Variants in PACSIN1 observed in about 807,000 individuals in gnomAD.
PACSIN1 encodes the protein protein kinase C and casein kinase substrate in neurons protein 1.
Under a neutral mutation model 59.5 loss-of-function variants are expected in PACSIN1, and 15 were observed. The ratio of observed to expected loss-of-function variants is 0.25; its 90% CI spans 0.17 to 0.39. The LOEUF (loss-of-function observed/expected upper bound fraction) is 0.39. PACSIN1 is among the 10% of genes least tolerant of loss of function. PACSIN1 has a pLI of 1.00. For missense variants in PACSIN1, 420 were observed against 580.2 expected (o/e 0.72, Z 2.84); for synonymous variants, 210 against 220.6 (o/e 0.95, Z 0.42).
At chr6:34,470,901 A>T (rs1005737773) in intron 1 of PACSIN1, among the ~76,000 whole-genome samples, 3 of 152,178 alleles carry the variant, frequency 2.0e-5, no homozygotes, top group Non-Finnish European at 4.4e-5. Flanking sequence ...TTTGTCATTT[A>T]TCTGAAATTC....
intron 1 of PACSIN1, among the ~76,000 whole-genome samples, chr6:34,479,168 A>G (rs549320264): frequency 6.6e-6 from 1 of 152,258 alleles, no homozygotes; most frequent in South Asian, 2.1e-4. Flanking sequence ...AGATTTCAAC[A>G]TGTGTTTTGG....
rs960168852 is a variant in PACSIN1, at chr6:34,532,198, C to A, written c.1226-223C>A. ...GGTCTGGTTTTGGGGACGGACCCGA[C>A]ACCCAGATTAGGTGAATGGCTGAGG... On this transcript the variant is annotated intron_variant, in intron 9 of 9. Transcript: ENST00000244458. The surrounding 1 kb of genome is among the most constrained non-coding windows in gnomAD (Gnocchi z 5.2). 1.3e-5 allele frequency among the ~76,000 whole-genome samples: 2 copies of A among 152,020 alleles called. No homozygotes were observed. The highest frequency in any genetic ancestry group is 4.8e-5 in the African/African-American group (2 of 41,366).
Position 34,515,042 on chromosome 6 carries a change from C to T in PACSIN1, c.-63-11201C>T, listed in dbSNP as rs535287595. 8.5e-5 allele frequency: 13 copies of T among 152,454 alleles called. No homozygotes were observed. Among genetic ancestry groups the T allele is most frequent in the Non-Finnish European group, 1.6e-4 (11 of 68,128 alleles). The allele number at this position is 152,454 out of a possible 1,614,324, so 9.4% of individuals were successfully genotyped here. On this transcript the variant is annotated intron_variant, in intron 1 of 9. Transcript: ENST00000244458. This position sits in a 1 kb window ranked among gnomAD's most constrained non-coding sequence, Gnocchi z 4.4. The stretch of plus-strand genomic sequence containing the variant: ...CGGGGGCAGTAAGCTCCTACTTGCC[C>T]CCAGCTTGGTGCCCACACGGGCCCA...
chr6:34,498,787 A>G (rs1766983065), intron 1 of PACSIN1, among the ~76,000 whole-genome samples: 1 of 125,090 alleles, frequency 8.0e-6, no homozygotes, highest in South Asian at 2.7e-4. Flanking sequence ...ACAAAGCAAG[A>G]CTTTGTCTCA....
At position 34,521,290 on chromosome 6, in the gene PACSIN1, G is replaced by A. The variant is rs1177547433; in HGVS notation, c.-63-4953G>A. Among the ~76,000 whole-genome samples the A allele has an allele frequency of 3.3e-5, 5 of 152,178 alleles. No individual in the cohort carries two copies. Among genetic ancestry groups the A allele is most frequent in the Non-Finnish European group, 7.4e-5 (5 of 68,024 alleles). ...TGCTGGTGGCTGGGAGCAGCTGGGTGACTCCCAGGCCTGTGATTGGTGACC... is the reference window on the plus strand; with the variant it reads ...TGCTGGTGGCTGGGAGCAGCTGGGTAACTCCCAGGCCTGTGATTGGTGACC... On this transcript the variant is annotated intron_variant, in intron 1 of 9. Transcript: ENST00000244458. The surrounding 1 kb of genome is among the most constrained non-coding windows in gnomAD (Gnocchi z 4.3).
chr6:34,513,639 C>A (rs1767239749), intron 1 of PACSIN1, among the ~76,000 whole-genome samples: 1 of 151,986 alleles, frequency 6.6e-6, no homozygotes, highest in South Asian at 2.1e-4. Context: ...ACTCCAAGTA[C>A]CGATGCTAGA....
intron 1 of PACSIN1, among the ~76,000 whole-genome samples, chr6:34,503,021 T>C (rs1452902619): frequency 2.6e-5 from 4 of 152,060 alleles, no homozygotes; most frequent in African/African-American, 2.4e-5. Flanking sequence ...TGAAGACCCC[T>C]GGAAGGGGCA....
intron 4 of PACSIN1, 38 bp downstream of exon 4, chr6:34,528,915 G>GGGGGCCGGGGGGGGGGGGGGGGGGC: frequency 4.6e-6 from 3 of 653,172 alleles, no homozygotes; most frequent in Non-Finnish European, 5.4e-6. Context: ...GGTGGGGTGG[G>GGGGGCCGGGGGGGGGGGGGGGGGGC]CCCGTCTGAT....
At position 34,530,253 on chromosome 6, in the gene PACSIN1, G is replaced by C; in HGVS notation, c.799G>C (p.Val267Leu). ...NLAENSSYIH[V>L]YRELEQAIRG... Reference sequence around the variant, plus strand: ...TCTCCCTGAGCACAGCTACATCCATGTGTACCGTGAGCTGGAGCAGGCCAT... The same window carrying C: ...TCTCCCTGAGCACAGCTACATCCATCTGTACCGTGAGCTGGAGCAGGCCAT... Residue 267 changes from valine (V) to leucine (L), a missense_variant, in exon 7 of 10, where the codon GTG becomes CTG. Coordinates refer to ENST00000244458, the MANE Select transcript of PACSIN1 (RefSeq NM_020804.5). This position sits in a 1 kb window ranked among gnomAD's most constrained non-coding sequence, Gnocchi z 4.4. 1 of 1,613,732 alleles carries C rather than the reference G, an allele frequency of 6.2e-7. No individual in the cohort carries two copies. The highest frequency in any genetic ancestry group is 8.5e-7 in the Non-Finnish European group (1 of 1,179,804).
rs892562604 is a variant in PACSIN1, at chr6:34,478,787, T to G, written c.-64+12517T>G. ...ATATAAAATAGGTTGTACATTTGTC[T>G]TAGTCTTTTTTGTGTTGTATAACAG... On this transcript the variant is annotated intron_variant, in intron 1 of 9. Transcript: ENST00000244458. Among the ~76,000 whole-genome samples, 42 of 152,356 alleles carry G rather than the reference T, an allele frequency of 2.8e-4. 1 individual carries two copies. Among genetic ancestry groups the G allele is most frequent in the Admixed American group, 2.5e-3 (38 of 15,298 alleles).
Position 34,528,886 on chromosome 6 carries a change from T to TGGG in PACSIN1, c.456+10_456+12dup. On this transcript the variant is annotated intron_variant, in intron 4 of 9. Coordinates refer to ENST00000244458, the MANE Select transcript of PACSIN1 (RefSeq NM_020804.5). ...CCAAGAAGATGAAGGAGGTGCTCAGTGGGTGCTGCCACGGGCGGGGTGGGG... is the reference window on the plus strand; with the variant it reads ...CCAAGAAGATGAAGGAGGTGCTCAGTGGGGGGTGCTGCCACGGGCGGGGTGGGG... The TGGG allele has an allele frequency of 1.9e-6, 1 of 529,254 alleles. No homozygotes were observed. Among genetic ancestry groups the TGGG allele is most frequent in the Non-Finnish European group, 3.1e-6 (1 of 321,340 alleles). The allele number at this position is 529,254 out of a possible 1,614,324, so 32.8% of individuals were successfully genotyped here.
At chr6:34,522,812 G>A (rs2127270769) in intron 1 of PACSIN1, among the ~76,000 whole-genome samples, 1 of 152,364 alleles carries the variant, frequency 6.6e-6, no homozygotes, top group South Asian at 2.1e-4. Context: ...GAGTCCAAAG[G>A]CCACAGAACC....
rs1176102675 is a variant in PACSIN1, at chr6:34,525,952, G to A, written c.-63-291G>A. Among the ~76,000 whole-genome samples, 1 of 152,126 alleles carries A rather than the reference G, an allele frequency of 6.6e-6. No individual in the cohort carries two copies. The highest frequency in any genetic ancestry group is 1.5e-5 in the Non-Finnish European group (1 of 68,016). ...GAGCCTGGGCTCCAACAGTCCAGGAGAGAGAGCCAGCTCTGGGGGCTGGGG... is the reference window on the plus strand; with the variant it reads ...GAGCCTGGGCTCCAACAGTCCAGGAAAGAGAGCCAGCTCTGGGGGCTGGGG... On this transcript the variant is annotated intron_variant, in intron 1 of 9. Transcript: ENST00000244458. The surrounding 1 kb of genome is among the most constrained non-coding windows in gnomAD (Gnocchi z 4.9).
chr6:34,503,387 A>G (rs527498434), intron 1 of PACSIN1, among the ~76,000 whole-genome samples: 2 of 152,334 alleles, frequency 1.3e-5, no homozygotes. Context: ...TGAGATGAGT[A>G]AAGACTCCAG....
chr6:34,477,579 C>T (rs2127241976), intron 1 of PACSIN1, among the ~76,000 whole-genome samples: 1 of 152,246 alleles, frequency 6.6e-6, no homozygotes, highest in South Asian at 2.1e-4. Context: ...GTCCAATTTC[C>T]ATCATATTTT....
intron 1 of PACSIN1, among the ~76,000 whole-genome samples, chr6:34,511,449 T>A (rs1441138743): frequency 6.6e-6 from 1 of 152,180 alleles, no homozygotes; most frequent in Non-Finnish European, 1.5e-5. Context: ...TTTCCACACC[T>A]GTATAATGGC....
intron 1 of PACSIN1, among the ~76,000 whole-genome samples, chr6:34,524,978 A>G (rs1767458018): frequency 6.6e-6 from 1 of 152,206 alleles, no homozygotes. Context: ...GGCCCCAGGG[A>G]TACCTATCTC....
At chr6:34,467,723 T>C (rs1274812620) in intron 1 of PACSIN1, among the ~76,000 whole-genome samples, 1 of 152,062 alleles carries the variant, frequency 6.6e-6, no homozygotes, top group Admixed American at 6.5e-5. Context: ...CACACCCGGC[T>C]AATTTTATAT....
chr6:34,478,374 T>C (rs1279037501), intron 1 of PACSIN1, among the ~76,000 whole-genome samples: 5 of 122,868 alleles, frequency 4.1e-5, no homozygotes, highest in Non-Finnish European at 3.4e-5. Flanking sequence ...ATCTTCTTTT[T>C]TTTTTTTTTT....
Sources: gnomAD v4.1 joint callset for allele counts (sites outside exome capture counted in the v4.1 genomes callset) on GRCh38, gnomAD v4.1.1 for gene constraint, Gnocchi (gnomAD v3.1) non-coding constraint, MANE v1.5 for transcripts, NCBI Gene and HGNC (gene_info 2026-07-23, HGNC 2026-07-21) for gene names.